Variants in CSTPP1 observed in about 807,000 individuals in gnomAD.
CSTPP1 encodes centriolar satellite-associated tubulin polyglutamylase complex regulator 1, also known as UPF0705 protein C11orf49.
chr11:47,131,656 C>G, the CSTPP1 span, among the ~76,000 whole-genome samples: 1 of 152,046 alleles, frequency 6.6e-6, no homozygotes, highest in Non-Finnish European at 1.5e-5. Flanking sequence ...GAAGTGAACC[C>G]TAGGCTTCCT....
At chr11:46,984,802 T>C in the CSTPP1 span, among the ~76,000 whole-genome samples, 1 of 151,216 alleles carries the variant, frequency 6.6e-6, no homozygotes, top group Non-Finnish European at 1.5e-5. Flanking sequence ...TAAAAGGCCA[T>C]ATAGCCTAAG....
chr11:47,042,470 TGAGA>T, the CSTPP1 span, among the ~76,000 whole-genome samples: 7 of 149,632 alleles, frequency 4.7e-5, no homozygotes, highest in Non-Finnish European at 7.4e-5. Context: ...TGTGTGTGTG[TGAGA>T]GAGAGAGAGA....
At chr11:46,980,612 A>G in the CSTPP1 span, among the ~76,000 whole-genome samples, 12 of 152,178 alleles carry the variant, frequency 7.9e-5, no homozygotes, top group African/African-American at 2.9e-4. Context: ...GACACAAAGC[A>G]CACCAAAAAA....
At chr11:47,064,749 G>T in the CSTPP1 span, among the ~76,000 whole-genome samples, 3 of 151,818 alleles carry the variant, frequency 2.0e-5, no homozygotes, top group Admixed American at 2.0e-4. Flanking sequence ...TTGTTTGTTT[G>T]GTTTGTTTGT....
the CSTPP1 span, among the ~76,000 whole-genome samples, chr11:47,152,328 A>C: frequency 6.6e-6 from 1 of 151,806 alleles, no homozygotes; most frequent in African/African-American, 2.4e-5. Flanking sequence ...CTACCCTCCC[A>C]CGGTGTGCGC....
the CSTPP1 span, among the ~76,000 whole-genome samples, chr11:47,138,979 CAAAAAAAAAAAAAAAAAA>C: frequency 7.3e-5 from 3 of 40,876 alleles, 1 homozygote; most frequent in Admixed American, 9.7e-4. Context: ...GACTCCGTCT[CAAAAAAAAAAAAAAAAAA>C]AAAAAAAAAA....
At chr11:47,077,278 C>A in the CSTPP1 span, among the ~76,000 whole-genome samples, 1 of 151,054 alleles carries the variant, frequency 6.6e-6, no homozygotes, top group Non-Finnish European at 1.5e-5. Flanking sequence ...CGGCTCACTG[C>A]AACCTCCGCC....
the CSTPP1 span, among the ~76,000 whole-genome samples, chr11:47,003,579 G>A: frequency 6.6e-6 from 1 of 152,218 alleles, no homozygotes; most frequent in South Asian, 2.1e-4. Context: ...CTTCAGGAGG[G>A]GTCATATCTA....
the CSTPP1 span, among the ~76,000 whole-genome samples, chr11:47,109,887 T>C: frequency 6.6e-6 from 1 of 152,370 alleles, no homozygotes; most frequent in South Asian, 2.1e-4. Context: ...GAAATAGCAT[T>C]TGTGTGCAGA....
chr11:46,998,983 G>A, the CSTPP1 span, among the ~76,000 whole-genome samples: 1 of 151,928 alleles, frequency 6.6e-6, no homozygotes, highest in Non-Finnish European at 1.5e-5. Flanking sequence ...CTTGTGATCC[G>A]CCTGCCTCGG....
the CSTPP1 span, chr11:47,130,587 G>T: frequency 6.6e-6 from 1 of 152,198 alleles, no homozygotes; most frequent in African/African-American, 2.4e-5. Flanking sequence ...TCTGTGACAT[G>T]TGATACCAAC....
At chr11:47,025,545 G>GC in the CSTPP1 span, among the ~76,000 whole-genome samples, 2 of 152,100 alleles carry the variant, frequency 1.3e-5, no homozygotes, top group African/African-American at 4.8e-5. Context: ...AAGGATTATG[G>GC]TTTGAGAATT....
At chr11:47,106,419 G>A in the CSTPP1 span, among the ~76,000 whole-genome samples, 1 of 152,080 alleles carries the variant, frequency 6.6e-6, no homozygotes, top group Non-Finnish European at 1.5e-5. Context: ...AAGACAGGCG[G>A]ATCACTTGAG....
the CSTPP1 span, among the ~76,000 whole-genome samples, chr11:47,094,812 T>C: frequency 6.6e-6 from 1 of 152,228 alleles, no homozygotes; most frequent in African/African-American, 2.4e-5. Context: ...TTCTGGACAA[T>C]GAACAAAGAT....
chr11:47,036,098 A>T, the CSTPP1 span, among the ~76,000 whole-genome samples: 2 of 12,472 alleles, frequency 1.6e-4, no homozygotes, highest in African/African-American at 1.2e-3. Flanking sequence ...TATATTATAT[A>T]TTATATATTA....
At chr11:47,013,030 A>G in the CSTPP1 span, among the ~76,000 whole-genome samples, 129 of 147,238 alleles carry the variant, frequency 8.8e-4, no homozygotes, top group Middle Eastern at 7.2e-3. Flanking sequence ...TAATAACTAT[A>G]TATAATAATA....
the CSTPP1 span, chr11:46,947,915 G>A: frequency 2.5e-6 from 1 of 397,836 alleles, no homozygotes; most frequent in African/African-American, 2.1e-5. Context: ...AGCTGCATTA[G>A]GGCCCATTGC....
the CSTPP1 span, among the ~76,000 whole-genome samples, chr11:46,954,713 C>G: frequency 4.0e-5 from 6 of 151,574 alleles, no homozygotes; most frequent in African/African-American, 1.5e-4. Flanking sequence ...TCAAATGGGT[C>G]TATAAGAGTT....
the CSTPP1 span, among the ~76,000 whole-genome samples, chr11:46,980,082 A>C: frequency 2.6e-5 from 4 of 151,996 alleles, no homozygotes; most frequent in African/African-American, 9.6e-5. Context: ...ACAAACAAAA[A>C]AACAAAAAAA....
Sources: allele counts gnomAD v4.1 joint callset (sites outside exome capture counted in the v4.1 genomes callset), GRCh38; gene constraint gnomAD v4.1.1; transcripts MANE v1.5; gene names NCBI Gene and HGNC (gene_info 2026-07-23, HGNC 2026-07-21).